DNAH2: variants seen among roughly 807,000 people sequenced by gnomAD.
The protein encoded by DNAH2 is axonemal beta dynein heavy chain 2.
Under a neutral mutation model 523.5 loss-of-function variants are expected in DNAH2, and 323 were observed. The ratio of observed to expected loss-of-function variants is 0.62; its 90% CI spans 0.56 to 0.68. The LOEUF is 0.68. Among genes scored for constraint, DNAH2 ranks in the 30% least tolerant of loss-of-function variants. DNAH2 has a pLI of 0.00. For synonymous variants in DNAH2, 2,093 were observed against 2,177.4 expected, an observed-to-expected ratio of 0.96 and a Z score of 1.08; for missense variants, 4,907 against 5,701.5, an observed-to-expected ratio of 0.86 and a Z score of 4.49.
intron 61 of DNAH2, among the ~76,000 whole-genome samples, chr17:7,805,939 A>G (rs1377389292): frequency 6.6e-6 from 1 of 152,230 alleles, no homozygotes; most frequent in Non-Finnish European, 1.5e-5. Flanking sequence ...AAAAAGAGAA[A>G]AAGAAAAAAC....
chr17:7,821,418 G>A lies in DNAH2; in HGVS notation c.11142+49G>A, dbSNP rs201095244. On this transcript the variant is annotated intron_variant, in intron 73 of 85. Coordinates refer to ENST00000572933, the MANE Select transcript of DNAH2 (RefSeq NM_020877.5). This position sits in a 1 kb window ranked among gnomAD's most constrained non-coding sequence, Gnocchi z 5.0. ...CCAGGATGGGATGGTCAAGGTTGGGGATGAGGGCAAGTGTGACAAGGACTC... is the reference window on the plus strand; with the variant it reads ...CCAGGATGGGATGGTCAAGGTTGGGAATGAGGGCAAGTGTGACAAGGACTC... 1.2e-3 allele frequency: 1,975 copies of A among 1,585,688 alleles called. 1 individual carries two copies. Among genetic ancestry groups the A allele is most frequent in the Non-Finnish European group, 1.6e-3 (1,854 of 1,163,688 alleles).
At chr17:7,743,446 G>A (rs772817301) in intron 12 of DNAH2, 3 of 671,062 alleles carry the variant, frequency 4.5e-6, no homozygotes, top group South Asian at 1.6e-5. Flanking sequence ...TGGGCGCATC[G>A]CTTGAGCCCA....
chr17:7,759,893 C>T lies in DNAH2; in HGVS notation c.2740C>T (p.Leu914Phe). The T allele has an allele frequency of 1.2e-6, 2 of 1,614,210 alleles. No individual in the cohort carries two copies. Among genetic ancestry groups the T allele is most frequent in the Non-Finnish European group, 1.7e-6 (2 of 1,180,038 alleles). ...TGTCTTCTGCCACCTCCCTGACATT[C>T]TCACCAAGCGCAAGTTACATCGTGA... is the stretch of plus-strand genomic sequence containing the variant. ...ISVFCHLPDILTKRKLHREPI... is the reference protein window; with the variant it reads ...ISVFCHLPDIFTKRKLHREPI... The change falls in exon 17 of 86, where the codon CTC becomes TTC. Residue 914 changes from leucine to phenylalanine, a missense_variant. Transcript: ENST00000572933.
At chr17:7,739,337 C>T (rs940529942) in intron 8 of DNAH2, among the ~76,000 whole-genome samples, 1 of 152,094 alleles carries the variant, frequency 6.6e-6, no homozygotes, top group Non-Finnish European at 1.5e-5. Context: ...ACCCGGGAAG[C>T]GGAGGTTGCA....
intron 1 of DNAH2, among the ~76,000 whole-genome samples, chr17:7,719,363 A>C (rs1376561622): frequency 1.3e-5 from 2 of 152,102 alleles, no homozygotes; most frequent in East Asian, 3.9e-4. Context: ...TCCTGACCTC[A>C]GGTGATCCAC....
chr17:7,778,103 G>C lies in DNAH2; in HGVS notation c.5274G>C (p.Gln1758His). Residue 1758 changes from glutamine to histidine, a missense_variant, in exon 34 of 86, where the codon CAG becomes CAC. Coordinates refer to ENST00000572933, the MANE Select transcript of DNAH2 (RefSeq NM_020877.5). Reference protein sequence around the residue: ...EKDLDDCVIRQTNTQFQYNYE... With the variant: ...EKDLDDCVIRHTNTQFQYNYE... Reference sequence around the variant, plus strand: ...ATCTTGATGACTGTGTCATCCGCCAGACCAACACGCAATTTCAGTATAATT... The same window carrying C: ...ATCTTGATGACTGTGTCATCCGCCACACCAACACGCAATTTCAGTATAATT... The C allele has an allele frequency of 6.2e-7, 1 of 1,614,140 alleles. No homozygotes were observed. The highest frequency in any genetic ancestry group is 8.5e-7 in the Non-Finnish European group (1 of 1,180,040).
rs771412700 is a variant in DNAH2 at position 7,786,084 on chromosome 17, A to G, written c.6130-40A>G. On this transcript the variant is annotated intron_variant, in intron 39 of 85. Transcript: ENST00000572933. The surrounding 1 kb of genome is among the most constrained non-coding windows in gnomAD (Gnocchi z 7.5). ...ATTTTGAAAGCCCTTTAAAGGCCTC[A>G]TCCTTTTTCTTCTGCTTGCTGTGTT... 5 of 1,607,402 alleles carry G rather than the reference A, an allele frequency of 3.1e-6. No individual in the cohort carries two copies. Among genetic ancestry groups the G allele is most frequent in the Non-Finnish European group, 4.3e-6 (5 of 1,175,010 alleles).
At chr17:7,733,453 G>GTACA (rs1193236698) in intron 5 of DNAH2, 138 bp downstream of exon 5, 6 of 669,928 alleles carry the variant, frequency 9.0e-6, no homozygotes, top group Non-Finnish European at 1.4e-5. Context: ...GTAGAATAGG[G>GTACA]TACAAGATCC....
chr17:7,720,951 C>T (rs568810299), intron 2 of DNAH2, among the ~76,000 whole-genome samples: 79 of 150,312 alleles, frequency 5.3e-4, no homozygotes, highest in African/African-American at 1.9e-3. Context: ...TGTTGGCCTT[C>T]GAACAGCAAG....
In DNAH2 at chr17:7,759,493, G is replaced by C; in HGVS notation, c.2520G>C (p.Val840=). The change falls in exon 16 of 86, where the codon GTG becomes GTC. Residue 840 remains valine (V), a synonymous_variant. Coordinates refer to ENST00000572933, the MANE Select transcript of DNAH2 (RefSeq NM_020877.5). The part of the protein sequence containing the change: ...RMMEDALRLN[V]KWSLLELSKA... Reference sequence around the variant, plus strand: ...TGGAGGATGCCCTGCGCCTGAATGTGAAGTGGTCACTGCTAGAACTATCCA... The same window carrying C: ...TGGAGGATGCCCTGCGCCTGAATGTCAAGTGGTCACTGCTAGAACTATCCA... The C allele has an allele frequency of 6.2e-7, 1 of 1,614,170 alleles. No individual in the cohort carries two copies. Among genetic ancestry groups the C allele is most frequent in the Non-Finnish European group, 8.5e-7 (1 of 1,180,030 alleles).
chr17:7,787,301 C>T (rs2076767327), intron 42 of DNAH2: 1 of 537,238 alleles, frequency 1.9e-6, no homozygotes, highest in Non-Finnish European at 3.3e-6. Flanking sequence ...CTCACGGATG[C>T]ATGAGGCAGG....
At chr17:7,719,606 AG>A in intron 1 of DNAH2, 114 bp from the exon 2 acceptor site, 3 of 1,322,662 alleles carry the variant, frequency 2.3e-6, no homozygotes, top group African/African-American at 1.5e-5. Context: ...CCACCAGAAA[AG>A]ATGATCATAT....
rs902816376 is a variant in DNAH2, at chr17:7,780,457, A to C, written c.5850+173A>C. On this transcript the variant is annotated intron_variant, in intron 37 of 85. Coordinates refer to ENST00000572933, the MANE Select transcript of DNAH2 (RefSeq NM_020877.5). This position sits in a 1 kb window ranked among gnomAD's most constrained non-coding sequence, Gnocchi z 4.4. ...AGGGGAGGGAGGTGTCTCCTCCGTG[A>C]TATCACTAACTGACAATGGCGTCAT... is the stretch of plus-strand genomic sequence containing the variant. Among the ~76,000 whole-genome samples, 1 of 152,234 alleles carries C rather than the reference A, an allele frequency of 6.6e-6. No homozygotes were observed. The highest frequency in any genetic ancestry group is 2.4e-5 in the African/African-American group (1 of 41,468).
Position 7,833,261 on chromosome 17 carries a change from C to G in DNAH2, c.13129+40C>G, listed in dbSNP as rs2078243101. The stretch of plus-strand genomic sequence containing the variant: ...CAGGCAGGACCTGCCTGCCCCGTCC[C>G]TAGTTTGGAACTTAACCCATTCTCT... On this transcript the variant is annotated intron_variant, in intron 85 of 85. Coordinates refer to ENST00000572933, the MANE Select transcript of DNAH2 (RefSeq NM_020877.5). 3 of 1,607,042 alleles carry G rather than the reference C, an allele frequency of 1.9e-6. No individual in the cohort carries two copies. In the East Asian group the frequency reaches 6.7e-5, roughly 36 times the overall value.
Position 7,798,330 on chromosome 17 carries a change from G to A in DNAH2, c.8398+6G>A. On this transcript the variant is annotated splice_donor_region_variant and intron_variant, in intron 54 of 85. Transcript: ENST00000572933. The surrounding 1 kb of genome is among the most constrained non-coding windows in gnomAD (Gnocchi z 5.5). Reference sequence around the variant, plus strand: ...GAAGCAGGAGTTCCGAGATGGTACGGCTGGGTTTCTGAAATGCTAGGAATA... The same window carrying A: ...GAAGCAGGAGTTCCGAGATGGTACGACTGGGTTTCTGAAATGCTAGGAATA... 6 of 1,604,664 alleles carry A rather than the reference G, an allele frequency of 3.7e-6. No individual in the cohort carries two copies. The highest frequency in any genetic ancestry group is 5.1e-6 in the Non-Finnish European group (6 of 1,173,380).
At position 7,759,030 on chromosome 17, in the gene DNAH2, G is replaced by A. The variant is rs751604953; in HGVS notation, c.2354G>A (p.Arg785Gln). Reference protein sequence around the residue: ...LEFEEDQREHRAAVQQKLMNL... With the variant: ...LEFEEDQREHQAAVQQKLMNL... ...TTTGAAGAGGACCAAAGAGAGCATC[G>A]GGCAGCTGTACAGCAGAAATTGATG... The change falls in exon 15 of 86, where the codon CGG becomes CAG. Residue 785 changes from arginine (R) to glutamine (Q), a missense_variant. This residue lies in a region of DNAH2 where 2,806 missense variants were observed against 3,190.8 expected (regional missense o/e 0.88). Coordinates refer to ENST00000572933, the MANE Select transcript of DNAH2 (RefSeq NM_020877.5). 25 of 1,614,074 alleles carry A rather than the reference G, an allele frequency of 1.5e-5. No individual in the cohort carries two copies. Among genetic ancestry groups the A allele is most frequent in the Middle Eastern group, 1.6e-4 (1 of 6,062 alleles).
rs2074470692 is a variant in DNAH2, at chr17:7,717,979, G to A, written c.-835G>A. On this transcript the variant is annotated 5_prime_UTR_variant, in exon 1 of 86. Coordinates refer to ENST00000572933, the MANE Select transcript of DNAH2 (RefSeq NM_020877.5). The stretch of plus-strand genomic sequence containing the variant: ...ATATTTGTGTGGGGGAGGGGGAGGA[G>A]AAGGGGCAGTTGTGACAGCTGGGGG... The A allele has an allele frequency of 7.1e-6, 1 of 139,962 alleles. No individual in the cohort carries two copies. The highest frequency in any genetic ancestry group is 7.2e-5 in the Admixed American group (1 of 13,854). The allele number at this position is 139,962 out of a possible 1,614,324, so 8.7% of individuals were successfully genotyped here.
intron 39 of DNAH2, among the ~76,000 whole-genome samples, chr17:7,782,870 AG>A (rs1457506578): frequency 5.3e-5 from 2 of 38,016 alleles, no homozygotes; most frequent in Non-Finnish European, 2.9e-4. Context: ...AAAAGCTACT[AG>A]AAAAACGTGC....
chr17:7,743,220 C>A (rs2075406569), intron 12 of DNAH2, 78 bp downstream of exon 12: 2 of 1,356,106 alleles, frequency 1.5e-6, no homozygotes, highest in Admixed American at 1.8e-5. Context: ...CATCTTTTGA[C>A]TCCTCTCTTC....
Sources: allele counts gnomAD v4.1 joint callset (sites outside exome capture counted in the v4.1 genomes callset), GRCh38; gene constraint gnomAD v4.1.1; regional missense constraint gnomAD v4.1.1; non-coding constraint Gnocchi (gnomAD v3.1); transcripts MANE v1.5; gene names NCBI Gene and HGNC (gene_info 2026-07-23, HGNC 2026-07-21).